The following DDX31 variants were observed in gnomAD, a reference collection of about 807,000 sequenced individuals.
The protein encoded by DDX31 is ATP-dependent DNA helicase DDX31.
Under a neutral mutation model 91.3 loss-of-function variants are expected in DDX31, and 70 were observed. That is an observed-to-expected ratio of 0.77 (90% CI 0.63 to 0.94). The LOEUF (loss-of-function observed/expected upper bound fraction) is 0.94. Among genes scored for constraint, DDX31 ranks in the 40% least tolerant of loss-of-function variants. The pLI is 0.00. For missense variants in DDX31, 902 were observed against 925.0 expected, an observed-to-expected ratio of 0.98 and a Z score of 0.32; for synonymous variants, 362 against 350.6, an observed-to-expected ratio of 1.03 and a Z score of -0.36.
At chr9:132,642,114 CA>C in intron 13 of DDX31, 51 bp from the exon 14 acceptor site, 1 of 1,549,652 alleles carries the variant, frequency 6.5e-7, no homozygotes, top group Non-Finnish European at 8.9e-7. Flanking sequence ...CAAACTCCAG[CA>C]AGGTAGGCTT....
At chr9:132,633,534 AG>A (rs1475371888) in intron 14 of DDX31, among the ~76,000 whole-genome samples, 1 of 152,228 alleles carries the variant, frequency 6.6e-6, no homozygotes, top group Non-Finnish European at 1.5e-5. Flanking sequence ...AGCTATAAAA[AG>A]AACAAAGATT....
At chr9:132,631,187 G>A (rs1376828539) in intron 15 of DDX31, among the ~76,000 whole-genome samples, 1 of 152,172 alleles carries the variant, frequency 6.6e-6, no homozygotes, top group East Asian at 1.9e-4. Context: ...TTTTCCCTTT[G>A]ATGCTACACA....
Position 132,669,969 on chromosome 9 carries a change from C to G in DDX31, c.-35G>C. On this transcript the variant is annotated 5_prime_UTR_variant, in exon 1 of 20. Coordinates refer to ENST00000372159, the MANE Select transcript of DDX31 (RefSeq NM_022779.9). Reference sequence around the variant, plus strand: ...GGGTGACGCGTGGTGCAGCAGCGAGCCCGGTGCGCAGACTGCTGGGCCCGG... The same window carrying G: ...GGGTGACGCGTGGTGCAGCAGCGAGGCCGGTGCGCAGACTGCTGGGCCCGG... 5.7e-6 allele frequency: 9 copies of G among 1,577,788 alleles called. No individual in the cohort carries two copies. The highest frequency in any genetic ancestry group is 7.7e-6 in the Non-Finnish European group (9 of 1,162,888).
At position 132,650,160 on chromosome 9, in the gene DDX31, A is replaced by C. The variant is rs1834092619; in HGVS notation, c.740+74T>G. 22 of 1,442,902 alleles carry C rather than the reference A, an allele frequency of 1.5e-5. 1 individual carries two copies. The South Asian group carries it at 2.5e-4, about 17-fold the overall frequency. The allele number at this position is 1,442,902 out of a possible 1,614,324, so 89.4% of individuals were successfully genotyped here. On this transcript the variant is annotated intron_variant, in intron 9 of 19. Transcript: ENST00000372159. ...AGACAAAGCTCTCAGCAGGTTTAGAAGGACCCAGCCTTACTGAATAGGAAG... is the reference window on the plus strand; with the variant it reads ...AGACAAAGCTCTCAGCAGGTTTAGACGGACCCAGCCTTACTGAATAGGAAG...
chr9:132,613,050 A>G (rs919472108), intron 18 of DDX31, among the ~76,000 whole-genome samples: 3 of 151,950 alleles, frequency 2.0e-5, no homozygotes, highest in Non-Finnish European at 4.4e-5. Flanking sequence ...CTAATTTTTA[A>G]ATTTTTATTT....
intron 19 of DDX31, among the ~76,000 whole-genome samples, chr9:132,597,862 AT>A (rs1311591859): frequency 6.6e-6 from 1 of 152,180 alleles, no homozygotes; most frequent in Non-Finnish European, 1.5e-5. Context: ...TGGTGCGTAC[AT>A]TGCGCCACTG....
chr9:132,651,205 T>C, intron 7 of DDX31, 89 bp from the exon 8 acceptor site: 3 of 1,118,072 alleles, frequency 2.7e-6, no homozygotes, highest in Non-Finnish European at 3.9e-6. Context: ...GATCCAAACT[T>C]GGACCTCAAG....
At chr9:132,648,002 A>G (rs1157966301) in intron 11 of DDX31, among the ~76,000 whole-genome samples, 187 bp downstream of exon 11, 5 of 152,022 alleles carry the variant, frequency 3.3e-5, no homozygotes, top group African/African-American at 1.2e-4. Flanking sequence ...TCTGTCTTGG[A>G]TGACTTGCAG....
intron 8 of DDX31, among the ~76,000 whole-genome samples, 180 bp from the exon 9 acceptor site, chr9:132,650,478 G>A (rs543448894): frequency 3.8e-4 from 58 of 152,186 alleles, no homozygotes; most frequent in Non-Finnish European, 6.0e-4. Flanking sequence ...ACTATCAGCA[G>A]TAACTTGAAT....
At chr9:132,605,228 T>C (rs1830943846) in intron 19 of DDX31, among the ~76,000 whole-genome samples, 1 of 152,216 alleles carries the variant, frequency 6.6e-6, no homozygotes, top group African/African-American at 2.4e-5. Flanking sequence ...TTTCTACTCA[T>C]CTATTACAAA....
rs1835149007 is a variant in DDX31, at chr9:132,664,005, G to T, written c.76-1310C>A. ...ACAAAAACTCTTAAAGGCCACTCCCGCCATACATGGACTTCCTGACAGTCC... is the reference window on the plus strand; with the variant it reads ...ACAAAAACTCTTAAAGGCCACTCCCTCCATACATGGACTTCCTGACAGTCC... On this transcript the variant is annotated intron_variant, in intron 1 of 19. Transcript: ENST00000372159. 2.0e-5 allele frequency among the ~76,000 whole-genome samples: 3 copies of T among 152,086 alleles called. No individual in the cohort carries two copies. In the South Asian group the frequency reaches 6.2e-4, roughly 32 times the overall value.
chr9:132,633,963 C>T (rs1282343787), intron 14 of DDX31, among the ~76,000 whole-genome samples: 2 of 152,028 alleles, frequency 1.3e-5, no homozygotes, highest in South Asian at 2.1e-4. Context: ...TGTTGAACAC[C>T]GTGAGGACAC....
chr9:132,604,582 T>A (rs1257660399), intron 19 of DDX31, among the ~76,000 whole-genome samples: 1 of 152,138 alleles, frequency 6.6e-6, no homozygotes, highest in Non-Finnish European at 1.5e-5. Context: ...TCTTTCAAGT[T>A]CCCAGGGACT....
chr9:132,645,779 T>A, intron 13 of DDX31, 116 bp downstream of exon 13: 1 of 1,125,068 alleles, frequency 8.9e-7, no homozygotes, highest in Non-Finnish European at 1.2e-6. Flanking sequence ...CCCAGTGGAG[T>A]GTGCAAGGGT....
chr9:132,625,720 T>G lies in DDX31; in HGVS notation c.1657A>C (p.Ile553Leu). The change falls in exon 17 of 20, where the codon ATT becomes CTT. Residue 553 changes from isoleucine to leucine, a missense_variant. Coordinates refer to ENST00000372159, the MANE Select transcript of DDX31 (RefSeq NM_022779.9). ...TCATCTCTTGTCAGAACACACAAAA[T>G]ATCTTCCATCTTAATCTCAGAAACG... is the stretch of plus-strand genomic sequence containing the variant. ...INVSEIKMEDILCVLTRDDCF... is the reference protein window; with the variant it reads ...INVSEIKMEDLLCVLTRDDCF... The G allele has an allele frequency of 1.2e-6, 2 of 1,613,822 alleles. No individual in the cohort carries two copies. The highest frequency in any genetic ancestry group is 1.7e-6 in the Non-Finnish European group (2 of 1,179,944).
rs1157374683 is a variant in DDX31 at position 132,645,820 on chromosome 9, T to C, written c.1380+75A>G. On this transcript the variant is annotated intron_variant, in intron 13 of 19. Coordinates refer to ENST00000372159, the MANE Select transcript of DDX31 (RefSeq NM_022779.9). Reference sequence around the variant, plus strand: ...CCATTGCTGAGCCTAAAGACCAGGTTTGCCGGACTCAGGTTCGCCCCCATC... The same window carrying C: ...CCATTGCTGAGCCTAAAGACCAGGTCTGCCGGACTCAGGTTCGCCCCCATC... 4.0e-6 allele frequency: 6 copies of C among 1,486,490 alleles called. No individual in the cohort carries two copies. The African/African-American group carries it at 8.4e-5, about 21-fold the overall frequency. The allele number at this position is 1,486,490 out of a possible 1,614,324, so 92.1% of individuals were successfully genotyped here.
chr9:132,649,602 T>C (rs1307740185), intron 9 of DDX31, among the ~76,000 whole-genome samples: 1 of 152,234 alleles, frequency 6.6e-6, no homozygotes, highest in Non-Finnish European at 1.5e-5. Flanking sequence ...TTGTTATTAT[T>C]GTTGTTATTC....
intron 1 of DDX31, among the ~76,000 whole-genome samples, chr9:132,665,482 G>C (rs992067701): frequency 1.3e-5 from 2 of 152,134 alleles, no homozygotes; most frequent in African/African-American, 4.8e-5. Flanking sequence ...ACAAAAGCTA[G>C]ACTAACATGG....
intron 19 of DDX31, among the ~76,000 whole-genome samples, chr9:132,603,761 G>C (rs1299768624): frequency 6.6e-6 from 1 of 152,190 alleles, no homozygotes; most frequent in African/African-American, 2.4e-5. Flanking sequence ...GGAGAGGCTG[G>C]CTGGGTTCCT....
Sources: gnomAD v4.1 joint callset for allele counts (sites outside exome capture counted in the v4.1 genomes callset) on GRCh38, gnomAD v4.1.1 for gene constraint, MANE v1.5 for transcripts, NCBI Gene and HGNC (gene_info 2026-07-23, HGNC 2026-07-21) for gene names.